Variants in PRRC2B observed in about 807,000 individuals in gnomAD.
PRRC2B encodes protein PRRC2B.
In PRRC2B, 68 loss-of-function variants were observed where a neutral mutation model predicts 242.3. That is an observed-to-expected ratio of 0.28 (90% CI 0.23 to 0.34). The LOEUF (loss-of-function observed/expected upper bound fraction) is 0.34, where lower values mean the gene tolerates loss of function less well. Ranked by LOEUF, PRRC2B falls within the 10% of genes least tolerant of loss-of-function variation. The pLI, the probability that PRRC2B is intolerant of heterozygous loss-of-function variation, is 1.00. For synonymous variants in PRRC2B, 1,228 were observed against 1,173.6 expected, an observed-to-expected ratio of 1.05 and a Z score of -0.95; for missense variants, 2,835 against 2,954.8, an observed-to-expected ratio of 0.96 and a Z score of 0.94.
At chr9:131,414,210 T>G (rs770387152) in intron 1 of PRRC2B, among the ~76,000 whole-genome samples, 14 of 151,282 alleles carry the variant, frequency 9.3e-5, no homozygotes, top group Admixed American at 3.3e-4. Context: ...GAACTCTCCA[T>G]AAGGGAAAAA....
At position 131,440,575 on chromosome 9, in the gene PRRC2B, T is replaced by C. The variant is rs984802437; in HGVS notation, c.469+1514T>C. Among the ~76,000 whole-genome samples, 5 of 152,178 alleles carry C rather than the reference T, an allele frequency of 3.3e-5. No individual in the cohort carries two copies. The East Asian group carries it at 9.6e-4, about 29-fold the overall frequency. On this transcript the variant is annotated intron_variant, in intron 5 of 31. Transcript: ENST00000683519. ...ACCTAGCAAGTGCACCCTGAGGAAA[T>C]TGCTCTACAAATTATACTCGCCCGT...
chr9:131,385,779 C>T (rs1283976737), intron 1 of PRRC2B, among the ~76,000 whole-genome samples: 7 of 146,686 alleles, frequency 4.8e-5, no homozygotes, highest in South Asian at 2.2e-4. Flanking sequence ...CTGCAAGCTC[C>T]GCCTCCTGGG....
At chr9:131,450,876 C>G (rs1942892163) in intron 9 of PRRC2B, among the ~76,000 whole-genome samples, 1 of 152,188 alleles carries the variant, frequency 6.6e-6, no homozygotes, top group African/African-American at 2.4e-5. Flanking sequence ...GTATGAGCCA[C>G]CATGTCCAGT....
rs548632963 is a variant in PRRC2B, at chr9:131,444,432, C to T, written c.613+104C>T. The T allele has an allele frequency of 1.2e-3, 1,569 of 1,260,700 alleles. 15 individuals are homozygous for T. The highest frequency in any genetic ancestry group is 8.9e-3 in the Middle Eastern group (32 of 3,588). The allele number at this position is 1,260,700 out of a possible 1,614,324, so 78.1% of individuals were successfully genotyped here. A position where few individuals can be genotyped will look rare whatever the true frequency, so the allele number is the denominator to read the frequency against. ...GCTGATGCCACTGGGGTCTCCGGTT[C>T]GAGCTGGAAACGTGGCTCTTTGACT... On this transcript the variant is annotated intron_variant, in intron 6 of 31. Coordinates refer to ENST00000683519, the MANE Select transcript of PRRC2B (RefSeq NM_013318.4).
intron 1 of PRRC2B, among the ~76,000 whole-genome samples, chr9:131,416,297 T>G (rs1016243141): frequency 6.6e-6 from 1 of 152,076 alleles, no homozygotes; most frequent in Non-Finnish European, 1.5e-5. Flanking sequence ...TTAGTAGGGA[T>G]GGGGTTTCAC....
rs1419505445 is a variant in PRRC2B, at chr9:131,447,631, G to A, written c.978-31G>A. ...TGATTTTGCTTCCGTCTGTATACTG[G>A]ACATGATTCCATCATCTTTTCTTTT... On this transcript the variant is annotated intron_variant, in intron 8 of 31. Coordinates refer to ENST00000683519, the MANE Select transcript of PRRC2B (RefSeq NM_013318.4). The A allele has an allele frequency of 9.0e-6, 14 of 1,560,208 alleles. No individual in the cohort carries two copies. In the Admixed American group the frequency reaches 1.7e-4, roughly 19 times the overall value.
At chr9:131,393,706 C>T (rs1836946105), upstream of PRRC2B, among the ~76,000 whole-genome samples, 1 of 151,864 alleles carries the variant, frequency 6.6e-6, no homozygotes, top group Non-Finnish European at 1.5e-5. Flanking sequence ...CATCCCTTCC[C>T]CCTCTTTCCG....
chr9:131,409,265 G>T (rs980442561), intron 1 of PRRC2B, among the ~76,000 whole-genome samples: 2 of 152,134 alleles, frequency 1.3e-5, no homozygotes, highest in Non-Finnish European at 2.9e-5. Context: ...CAGGTGATCT[G>T]CCCGTCTTGG....
At chr9:131,490,629 G>A (rs905331148) in intron 28 of PRRC2B, 52 of 518,326 alleles carry the variant, frequency 1.0e-4, no homozygotes, top group Admixed American at 1.7e-4. Flanking sequence ...CAGTCTCTGG[G>A]CCCACATCCC....
intron 14 of PRRC2B, 23 bp from the exon 15 acceptor site, chr9:131,473,485 A>G (rs1943599060): frequency 1.3e-6 from 2 of 1,535,330 alleles, no homozygotes; most frequent in African/African-American, 1.4e-5. Context: ...GAGATGATGT[A>G]GATCAGTCTT....
intron 25 of PRRC2B, 145 bp from the exon 26 acceptor site, chr9:131,485,938 CAG>C (rs774365855): frequency 4.4e-5 from 31 of 697,646 alleles, no homozygotes; most frequent in Admixed American, 2.3e-4. Flanking sequence ...TTCCGGCACA[CAG>C]GGAACCTAGC....
Position 131,481,769 on chromosome 9 carries a change from T to C in PRRC2B, c.4944T>C (p.Ala1648=), listed in dbSNP as rs758941144. 2.6e-6 allele frequency: 4 copies of C among 1,566,128 alleles called. No homozygotes were observed. In the South Asian group the frequency reaches 4.7e-5, roughly 18 times the overall value. Residue 1648 remains alanine, a synonymous_variant, in exon 20 of 32, where the codon GCT becomes GCC. Transcript: ENST00000683519. The part of the protein sequence containing the change: ...QAPANDSWRK[A]VTAFSSTETG... ...CAGCCAACGACTCCTGGAGGAAAGC[T>C]GTCACTGCCTTCAGCAGCACCGAGA... is the stretch of plus-strand genomic sequence containing the variant.
At chr9:131,436,579 C>T (rs1176714195) in intron 3 of PRRC2B, 41 bp from the exon 4 acceptor site, 2 of 1,546,558 alleles carry the variant, frequency 1.3e-6, no homozygotes, top group African/African-American at 1.4e-5. Context: ...GGCCAGCGCA[C>T]TCTGTGCGGT....
chr9:131,477,583 T>A (rs1943740130), intron 16 of PRRC2B, among the ~76,000 whole-genome samples, 161 bp from the exon 17 acceptor site: 1 of 152,150 alleles, frequency 6.6e-6, no homozygotes, highest in South Asian at 2.1e-4. Context: ...CACACGGACA[T>A]GGATGCACTG....
intron 1 of PRRC2B, among the ~76,000 whole-genome samples, chr9:131,410,819 C>T (rs997294091): frequency 6.6e-6 from 1 of 152,134 alleles, no homozygotes. Flanking sequence ...CCCTAGCTCT[C>T]TTTAGGCTTT....
chr9:131,377,723 C>G (rs771352087), intron 1 of PRRC2B, among the ~76,000 whole-genome samples: 5 of 152,294 alleles, frequency 3.3e-5, no homozygotes, highest in Non-Finnish European at 5.9e-5. Flanking sequence ...GCATTTCATT[C>G]TGCCGCTTTC....
intron 1 of PRRC2B, among the ~76,000 whole-genome samples, chr9:131,415,674 A>T (rs1234834355): frequency 1.3e-5 from 2 of 152,204 alleles, no homozygotes; most frequent in Non-Finnish European, 2.9e-5. Context: ...GAGGATGGTG[A>T]TACTGGTAAG....
intron 4 of PRRC2B, among the ~76,000 whole-genome samples, chr9:131,437,867 A>T (rs564485161): frequency 6.6e-6 from 1 of 152,310 alleles, no homozygotes; most frequent in African/African-American, 2.4e-5. Context: ...GAGCTGAGAG[A>T]TCAGATTTGC....
chr9:131,462,836 TA>T (rs553444971), intron 11 of PRRC2B, among the ~76,000 whole-genome samples: 12,608 of 81,618 alleles, frequency 0.15, 743 homozygotes, highest in Non-Finnish European at 0.17. Flanking sequence ...AGACTCCGTC[TA>T]AAAAAAAAAA....
Sources: gnomAD v4.1 joint callset for allele counts (sites outside exome capture counted in the v4.1 genomes callset) on GRCh38, gnomAD v4.1.1 for gene constraint, MANE v1.5 for transcripts, NCBI Gene and HGNC (gene_info 2026-07-23, HGNC 2026-07-21) for gene names.